TAX1BP3: variants seen among roughly 807,000 people sequenced by gnomAD.
TAX1BP3 encodes the protein tax1-binding protein 3.
In TAX1BP3, 13 loss-of-function variants were observed where a neutral mutation model predicts 15.3. The observed-to-expected ratio is 0.85, with a 90% CI of 0.55 to 1.35. TAX1BP3 has a LOEUF of 1.35. TAX1BP3 is among the 40% of genes most tolerant of loss of function. TAX1BP3 has a pLI of 0.00. For missense variants in TAX1BP3, 147 were observed against 169.6 expected (o/e 0.87, Z 0.74); for synonymous variants, 70 against 66.0 (o/e 1.06, Z -0.30).
chr17:3,667,396 A>AGCTGTC (rs1227242887), intron 1 of TAX1BP3, among the ~76,000 whole-genome samples: 1 of 150,758 alleles, frequency 6.6e-6, no homozygotes, highest in Non-Finnish European at 1.5e-5. Flanking sequence ...AGCTTAGGAC[A>AGCTGTC]GCTGTCAGCT....
chr17:3,667,296 T>A (rs1353103387), intron 1 of TAX1BP3, among the ~76,000 whole-genome samples: 1 of 144,906 alleles, frequency 6.9e-6, no homozygotes, highest in East Asian at 2.0e-4. Flanking sequence ...TGAACCGAGA[T>A]CGCGCCACTG....
rs1447918473 is a variant in TAX1BP3, at chr17:3,668,068, C to T, written c.39+420G>A. ...CGGGAGAGCCCCACCCCCAGATCTC[C>T]CTCCGGGCGGCGGCGCAGGCTGCAG... is the stretch of plus-strand genomic sequence containing the variant. On this transcript the variant is annotated intron_variant, in intron 1 of 3. Coordinates refer to ENST00000225525, the MANE Select transcript of TAX1BP3 (RefSeq NM_014604.4). The surrounding 1 kb of genome is among the most constrained non-coding windows in gnomAD (Gnocchi z 4.1). Among the ~76,000 whole-genome samples the T allele has an allele frequency of 6.6e-6, 1 of 152,258 alleles. No homozygotes were observed. The highest frequency in any genetic ancestry group is 2.4e-5 in the African/African-American group (1 of 41,472).
At chr17:3,665,762 A>AG (rs2076334002) in intron 1 of TAX1BP3, 4 of 613,512 alleles carry the variant, frequency 6.5e-6, no homozygotes, top group East Asian at 3.1e-5. Context: ...AAAAAAAAAA[A>AG]AAAGAAAGGA....
intron 1 of TAX1BP3, among the ~76,000 whole-genome samples, 196 bp from the exon 2 acceptor site, chr17:3,664,994 G>T (rs1450535423): frequency 6.6e-6 from 1 of 152,206 alleles, no homozygotes; most frequent in Non-Finnish European, 1.5e-5. Flanking sequence ...ACACAGCCCT[G>T]TGTCCTCAAC....
chr17:3,666,872 G>C, intron 1 of TAX1BP3, among the ~76,000 whole-genome samples: 1 of 152,198 alleles, frequency 6.6e-6, no homozygotes, highest in Non-Finnish European at 1.5e-5. Context: ...CTCCAGGCCT[G>C]CTCTGCCGGC....
intron 1 of TAX1BP3, among the ~76,000 whole-genome samples, chr17:3,667,172 C>A (rs569164103): frequency 2.6e-5 from 4 of 151,832 alleles, no homozygotes. Context: ...GGTGAAACCC[C>A]GTTCTACTAA....
In TAX1BP3 at chr17:3,663,519, C is replaced by T; in HGVS notation, c.*229G>A. ...TCACAGCAGACTGGCTACTACTCAG[C>T]TCCAGGCCCTTATTTCCAATCCTCG... is the stretch of plus-strand genomic sequence containing the variant. On this transcript the variant is annotated 3_prime_UTR_variant, in exon 4 of 4. Coordinates refer to ENST00000225525, the MANE Select transcript of TAX1BP3 (RefSeq NM_014604.4). The T allele has an allele frequency of 5.4e-6, 3 of 556,068 alleles. No homozygotes were observed. Among genetic ancestry groups the T allele is most frequent in the Non-Finnish European group, 8.8e-6 (3 of 340,280 alleles). The allele number at this position is 556,068 out of a possible 1,614,324, so 34.4% of individuals were successfully genotyped here.
In TAX1BP3 at chr17:3,664,190, G is replaced by A. The variant is rs2076313226; in HGVS notation, c.237+5C>T. 2 of 1,614,008 alleles carry A rather than the reference G, an allele frequency of 1.2e-6. No homozygotes were observed. The highest frequency in any genetic ancestry group is 1.7e-6 in the Non-Finnish European group (2 of 1,180,042). ...TTGTTTCTCCTCCTTTGGGACACCT[G>A]TTACCTGCATGATCTTGTCTCCAAT... On this transcript the variant is annotated splice_donor_5th_base_variant and intron_variant, in intron 3 of 3. Coordinates refer to ENST00000225525, the MANE Select transcript of TAX1BP3 (RefSeq NM_014604.4).
intron 1 of TAX1BP3, among the ~76,000 whole-genome samples, chr17:3,667,065 C>G (rs998734828): frequency 2.0e-5 from 3 of 152,102 alleles, no homozygotes; most frequent in Non-Finnish European, 4.4e-5. Flanking sequence ...CAGGCTGGGC[C>G]GGGTGTGGTG....
chr17:3,665,770 G>GA (rs2076334528), intron 1 of TAX1BP3: 1 of 563,170 alleles, frequency 1.8e-6, no homozygotes, highest in Middle Eastern at 5.0e-4. Context: ...AAAAAAGAAA[G>GA]GAGAGGAAGG....
intron 2 of TAX1BP3, 157 bp from the exon 3 acceptor site, chr17:3,664,429 G>T: frequency 9.9e-7 from 1 of 1,011,686 alleles, no homozygotes. Flanking sequence ...GAGAGAGCCG[G>T]GGCAGAGTTG....
intron 1 of TAX1BP3, among the ~76,000 whole-genome samples, chr17:3,667,987 G>C (rs1428658130): frequency 6.6e-6 from 1 of 152,278 alleles, no homozygotes; most frequent in Non-Finnish European, 1.5e-5. Context: ...CAGGCGGCGA[G>C]TGGGTTGGAG....
chr17:3,668,505 G>A lies in TAX1BP3; in HGVS notation c.22C>T (p.Pro8Ser). The change falls in exon 1 of 4, where the codon CCG becomes TCG. Residue 8 changes from proline (P) to serine (S), a missense_variant. Coordinates refer to ENST00000225525, the MANE Select transcript of TAX1BP3 (RefSeq NM_014604.4). The surrounding 1 kb of genome is among the most constrained non-coding windows in gnomAD (Gnocchi z 4.1). ...GCACTCACCACCACGGCGGTGACCG[G>A]CTGGCCCGGGATGTAGGACATCTCG... MSYIPGQ[P>S]VTAVVQRVEI... 6.2e-7 allele frequency: 1 copy of A among 1,608,990 alleles called. No homozygotes were observed. Among genetic ancestry groups the A allele is most frequent in the Non-Finnish European group, 8.5e-7 (1 of 1,178,504 alleles).
intron 1 of TAX1BP3, chr17:3,665,691 T>A (rs1376341603): frequency 4.8e-6 from 4 of 829,388 alleles, no homozygotes; most frequent in South Asian, 4.0e-5. Context: ...TCCCTATGAA[T>A]TCATGGCATA....
chr17:3,664,842 A>G, intron 1 of TAX1BP3, 44 bp from the exon 2 acceptor site: 1 of 1,596,926 alleles, frequency 6.3e-7, no homozygotes. Flanking sequence ...GTGGTTGGAG[A>G]ATTAGGCTGG....
chr17:3,664,529 T>G, intron 2 of TAX1BP3, 150 bp downstream of exon 2: 1 of 1,192,040 alleles, frequency 8.4e-7, no homozygotes, highest in Non-Finnish European at 1.2e-6. Context: ...CACCCGTCCT[T>G]ATTCTCACTA....
intron 1 of TAX1BP3, among the ~76,000 whole-genome samples, chr17:3,667,258 G>A (rs189322821): frequency 2.7e-5 from 4 of 150,940 alleles, no homozygotes; most frequent in Admixed American, 1.3e-4. Flanking sequence ...CAGGAGAATC[G>A]CTTGAACCCA....
chr17:3,664,726 C>G lies in TAX1BP3; in HGVS notation c.112G>C (p.Asp38His). Residue 38 changes from aspartate (D) to histidine (H), a missense_variant, in exon 2 of 4, where the codon GAC becomes CAC. Asp to His is a moderately conservative substitution (Grantham distance 81, BLOSUM62 -1). Coordinates refer to ENST00000225525, the MANE Select transcript of TAX1BP3 (RefSeq NM_014604.4). ...AAGGGATTCTGGGAAGGATCCTGGT[C>G]GATTCCACCTCCAATGCTGAAACCC... ...ILGFSIGGGI[D>H]QDPSQNPFSE... 6.2e-7 allele frequency: 1 copy of G among 1,613,782 alleles called. No homozygotes were observed. The highest frequency in any genetic ancestry group is 8.5e-7 in the Non-Finnish European group (1 of 1,179,932).
rs2142991067 is a variant in TAX1BP3 at position 3,663,358 on chromosome 17, C to G, written c.*390G>C. ...CTGGGGGGCAGGGGCGGAGCCGAAC[C>G]CTGCAGCCAGGCAAAAGCGGGAAAG... is the stretch of plus-strand genomic sequence containing the variant. On this transcript the variant is annotated 3_prime_UTR_variant, in exon 4 of 4. Transcript: ENST00000225525. The G allele has an allele frequency of 5.8e-6, 1 of 173,444 alleles. No homozygotes were observed. The highest frequency in any genetic ancestry group is 6.1e-5 in the Admixed American group (1 of 16,332). 10.7% of individuals were successfully genotyped at this position (173,444 alleles called of 1,614,324 possible).
Sources: gnomAD v4.1 joint callset for allele counts (sites outside exome capture counted in the v4.1 genomes callset) on GRCh38, gnomAD v4.1.1 for gene constraint, Gnocchi (gnomAD v3.1) non-coding constraint, MANE v1.5 for transcripts, NCBI Gene and HGNC (gene_info 2026-07-23, HGNC 2026-07-21) for gene names.